SLC24A3: variants seen among roughly 807,000 people sequenced by gnomAD.
SLC24A3 encodes the protein sodium/potassium/calcium exchanger 3.
Under a neutral mutation model 75.8 loss-of-function variants are expected in SLC24A3, and 28 were observed. That is an observed-to-expected ratio of 0.37 (90% CI 0.27 to 0.51). The LOEUF (loss-of-function observed/expected upper bound fraction) is 0.51, where lower values mean the gene tolerates loss of function less well. Among genes scored for constraint, SLC24A3 ranks in the 20% least tolerant of loss-of-function variants. The pLI is 0.94. For missense variants in SLC24A3, 663 were observed against 847.8 expected, an observed-to-expected ratio of 0.78 and a Z score of 2.71; for synonymous variants, 372 against 334.1, an observed-to-expected ratio of 1.11 and a Z score of -1.24.
chr20:19,715,637 T>G (rs2033037425), intron 15 of SLC24A3, among the ~76,000 whole-genome samples: 1 of 152,150 alleles, frequency 6.6e-6, no homozygotes, highest in Admixed American at 6.5e-5. Context: ...GTGTCCCTAT[T>G]TTCTGTCCTG....
At chr20:19,716,561 C>T (rs1327022524) in intron 15 of SLC24A3, among the ~76,000 whole-genome samples, 1 of 151,956 alleles carries the variant, frequency 6.6e-6, no homozygotes, top group Admixed American at 6.6e-5. Context: ...TCTATAGAAA[C>T]TCCAAGGCTG....
At chr20:19,376,771 A>C (rs74415074) in intron 2 of SLC24A3, among the ~76,000 whole-genome samples, 2 of 152,290 alleles carry the variant, frequency 1.3e-5, no homozygotes, top group Non-Finnish European at 2.9e-5. Flanking sequence ...TGAGTTGGCC[A>C]CGAGACAGAG....
rs376836789 is a variant in SLC24A3, at chr20:19,248,669, A to G, written c.143-32290A>G. Among the ~76,000 whole-genome samples, 7 of 152,232 alleles carry G rather than the reference A, an allele frequency of 4.6e-5. No homozygotes were observed. The East Asian group carries it at 1.2e-3, about 25-fold the overall frequency. On this transcript the variant is annotated intron_variant, in intron 1 of 16. Transcript: ENST00000328041. ...TGGGTATACATCCAAAGACTTTGAA[A>G]TTGGTATGTTGAAGGGATATGCACA...
At chr20:19,693,213 T>G in intron 12 of SLC24A3, 46 bp from the exon 13 acceptor site, 2 of 1,560,150 alleles carry the variant, frequency 1.3e-6, no homozygotes, top group Non-Finnish European at 1.7e-6. Context: ...CTGGGGTTCT[T>G]TGTTATTTTT....
rs953667848 is a variant in SLC24A3, at chr20:19,424,412, G to A, written c.272-91076G>A. 1.9e-4 allele frequency among the ~76,000 whole-genome samples: 29 copies of A among 152,264 alleles called. 1 individual carries two copies. Among genetic ancestry groups the A allele is most frequent in the South Asian group, 1.9e-3 (9 of 4,824 alleles). On this transcript the variant is annotated intron_variant, in intron 2 of 16. Coordinates refer to ENST00000328041, the MANE Select transcript of SLC24A3 (RefSeq NM_020689.4). ...TGACTAAATAATTGAGCATGGGGCCGGGTGCAGTGGCTCATGCCAGTAATC... is the reference window on the plus strand; with the variant it reads ...TGACTAAATAATTGAGCATGGGGCCAGGTGCAGTGGCTCATGCCAGTAATC...
intron 7 of SLC24A3, among the ~76,000 whole-genome samples, chr20:19,656,621 A>AC (rs2032269859): frequency 6.6e-6 from 1 of 151,916 alleles, no homozygotes; most frequent in South Asian, 2.1e-4. Context: ...TTTGAAAAAA[A>AC]TTTTTTTTCA....
intron 6 of SLC24A3, among the ~76,000 whole-genome samples, chr20:19,610,296 A>G (rs2031656014): frequency 6.6e-6 from 1 of 152,092 alleles, no homozygotes; most frequent in African/African-American, 2.4e-5. Context: ...CCTAGGTACA[A>G]TTTTGCTTCT....
chr20:19,317,730 A>G (rs1984617454), intron 2 of SLC24A3, among the ~76,000 whole-genome samples: 1 of 152,154 alleles, frequency 6.6e-6, no homozygotes, highest in Non-Finnish European at 1.5e-5. Flanking sequence ...CCTTCTTGCC[A>G]GGGAAATAGA....
intron 4 of SLC24A3, among the ~76,000 whole-genome samples, chr20:19,582,624 G>A (rs1051648426): frequency 3.3e-5 from 5 of 152,182 alleles, no homozygotes; most frequent in Admixed American, 6.5e-5. Flanking sequence ...CCCCTGTCTG[G>A]ACCTTACTTT....
intron 2 of SLC24A3, among the ~76,000 whole-genome samples, chr20:19,404,143 G>A (rs1182057440): frequency 6.6e-6 from 1 of 152,130 alleles, no homozygotes; most frequent in African/African-American, 2.4e-5. Context: ...GGATTTCTTG[G>A]CACCCCTTTA....
chr20:19,635,898 T>G (rs1344480899), intron 6 of SLC24A3, among the ~76,000 whole-genome samples: 3 of 152,160 alleles, frequency 2.0e-5, no homozygotes, highest in African/African-American at 7.2e-5. Context: ...CCCAGCACTT[T>G]GGGAGGCCGA....
chr20:19,458,437 T>C (rs1987616380), intron 2 of SLC24A3, among the ~76,000 whole-genome samples: 1 of 152,224 alleles, frequency 6.6e-6, no homozygotes, highest in Non-Finnish European at 1.5e-5. Context: ...TACATTCACA[T>C]TGTCTGTGCA....
At chr20:19,498,852 G>T (rs1988338791) in intron 2 of SLC24A3, among the ~76,000 whole-genome samples, 1 of 152,198 alleles carries the variant, frequency 6.6e-6, no homozygotes, top group African/African-American at 2.4e-5. Context: ...TGTTTTGCGT[G>T]ACTTCCTATG....
At chr20:19,514,037 A>C (rs1486990128) in intron 2 of SLC24A3, among the ~76,000 whole-genome samples, 1 of 152,226 alleles carries the variant, frequency 6.6e-6, no homozygotes, top group Non-Finnish European at 1.5e-5. Flanking sequence ...TACTAGACGT[A>C]CCCTTTGGCC....
rs143122575 is a variant in SLC24A3, at chr20:19,672,618, C to T, written c.714-983C>T. ...TCCCAAAATGCTGGGATTACAGGAG[C>T]GGGTCACTGTGCCCAGCCTGCATAA... On this transcript the variant is annotated intron_variant, in intron 8 of 16. Coordinates refer to ENST00000328041, the MANE Select transcript of SLC24A3 (RefSeq NM_020689.4). Among the ~76,000 whole-genome samples, 529 of 152,196 alleles carry T rather than the reference C, an allele frequency of 3.5e-3. 5 individuals are homozygous for T. The highest frequency in any genetic ancestry group is 0.012 in the African/African-American group (489 of 41,528).
At chr20:19,505,671 C>T (rs1302067829) in intron 2 of SLC24A3, among the ~76,000 whole-genome samples, 3 of 152,076 alleles carry the variant, frequency 2.0e-5, no homozygotes, top group Non-Finnish European at 4.4e-5. Context: ...TCAGCGTTAT[C>T]TCATCCAGGT....
chr20:19,539,433 G>T (rs2030457943), intron 3 of SLC24A3, among the ~76,000 whole-genome samples: 1 of 152,188 alleles, frequency 6.6e-6, no homozygotes, highest in Non-Finnish European at 1.5e-5. Flanking sequence ...GCCTTGTGTG[G>T]GGTCGTGAGC....
At chr20:19,699,482 T>C (rs756683533) in intron 15 of SLC24A3, among the ~76,000 whole-genome samples, 19 of 152,202 alleles carry the variant, frequency 1.2e-4, no homozygotes, top group Non-Finnish European at 2.2e-4. Flanking sequence ...TAACAGATGG[T>C]AAGATATATA....
In SLC24A3 at chr20:19,597,880, C is replaced by T. The variant is rs114385083; in HGVS notation, c.612+12336C>T. Among the ~76,000 whole-genome samples the T allele has an allele frequency of 7.1e-3, 1,086 of 152,262 alleles. 18 individuals are homozygous for T. The highest frequency in any genetic ancestry group is 0.025 in the African/African-American group (1,018 of 41,544). ...GAACATGATGACGTCCAATTCCATC[C>T]GCGTTGCTGCAGATGACAGCATTTC... is the stretch of plus-strand genomic sequence containing the variant. On this transcript the variant is annotated intron_variant, in intron 6 of 16. Transcript: ENST00000328041.
Sources: gnomAD v4.1 joint callset for allele counts (sites outside exome capture counted in the v4.1 genomes callset) on GRCh38, gnomAD v4.1.1 for gene constraint, MANE v1.5 for transcripts, NCBI Gene and HGNC (gene_info 2026-07-23, HGNC 2026-07-21) for gene names.